Variants in RIPOR2 observed in about 807,000 individuals in gnomAD.
The protein encoded by RIPOR2 is RHO family interacting cell polarization regulator 2.
In RIPOR2, 39 loss-of-function variants were observed where a neutral mutation model predicts 114.5. The observed-to-expected ratio is 0.34, with a 90% CI of 0.26 to 0.44. The LOEUF (loss-of-function observed/expected upper bound fraction) is 0.44, where lower values mean the gene tolerates loss of function less well. Ranked by LOEUF, RIPOR2 falls within the 20% of genes least tolerant of loss-of-function variation. The pLI is 1.00. For synonymous variants in RIPOR2, 445 were observed against 484.4 expected (o/e 0.92, Z 1.07); for missense variants, 1,007 against 1,255.1 (o/e 0.80, Z 2.99).
chr6:24,987,853 T>A (rs532619579), intron 1 of RIPOR2, among the ~76,000 whole-genome samples: 1 of 152,222 alleles, frequency 6.6e-6, no homozygotes, highest in African/African-American at 2.4e-5. Context: ...TCCAAACTGA[T>A]AATGCCGATA....
intron 3 of RIPOR2, among the ~76,000 whole-genome samples, chr6:24,873,186 G>A (rs934168762): frequency 1.3e-5 from 2 of 152,216 alleles, no homozygotes; most frequent in Admixed American, 6.5e-5. Context: ...GCTGAAAGTC[G>A]AGAAAAGAAA....
chr6:24,862,307 C>G (rs1227401859), intron 7 of RIPOR2, among the ~76,000 whole-genome samples: 1 of 152,216 alleles, frequency 6.6e-6, no homozygotes, highest in Non-Finnish European at 1.5e-5. Context: ...GCAGGCTTCT[C>G]CCTCAGTTGC....
intron 21 of RIPOR2, 36 bp from the exon 22 acceptor site, chr6:24,806,509 A>G (rs1249578174): frequency 7.5e-7 from 1 of 1,332,272 alleles, no homozygotes; most frequent in Non-Finnish European, 1.0e-6. Context: ...TACCAATTCA[A>G]ACAACGTTTT....
intron 6 of RIPOR2, among the ~76,000 whole-genome samples, chr6:24,866,064 T>C (rs1367608168): frequency 2.6e-5 from 4 of 152,190 alleles, no homozygotes; most frequent in Non-Finnish European, 5.9e-5. Flanking sequence ...AACTTGGGGA[T>C]ATATATTGAA....
intron 1 of RIPOR2, among the ~76,000 whole-genome samples, chr6:25,030,053 C>CGTTACAG (rs1776847850): frequency 1.3e-5 from 2 of 151,972 alleles, no homozygotes; most frequent in African/African-American, 4.8e-5. Context: ...ATGACAGGAC[C>CGTTACAG]GTTACAGCCT....
chr6:24,806,556 A>C (rs1390195177), intron 21 of RIPOR2, 83 bp from the exon 22 acceptor site: 1 of 992,162 alleles, frequency 1.0e-6, no homozygotes, highest in African/African-American at 1.7e-5. Flanking sequence ...CCATTTGTTT[A>C]GGGATGGGTT....
chr6:24,854,935 G>C (rs569019780), intron 8 of RIPOR2, among the ~76,000 whole-genome samples: 1 of 148,502 alleles, frequency 6.7e-6, no homozygotes, highest in Non-Finnish European at 1.5e-5. Flanking sequence ...GCTGAGGCAG[G>C]AGAATCGCTT....
In RIPOR2 at chr6:24,809,691, A is replaced by G. The variant is rs372724375; in HGVS notation, c.3043+26T>C. 4.5e-4 allele frequency: 649 copies of G among 1,428,374 alleles called. 3 individuals carry two copies. In the African/African-American group the frequency reaches 5.0e-3, roughly 11 times the overall value. The allele number at this position is 1,428,374 out of a possible 1,614,324, so 88.5% of individuals were successfully genotyped here. On this transcript the variant is annotated intron_variant, in intron 21 of 21. Coordinates refer to ENST00000643898, the MANE Select transcript of RIPOR2 (RefSeq NM_001286445.3). ...TAGAGAGTGCCAGAAGCAAACAATCATGTAAACAACAACAATAAAACTCAC... is the reference window on the plus strand; with the variant it reads ...TAGAGAGTGCCAGAAGCAAACAATCGTGTAAACAACAACAATAAAACTCAC...
At chr6:25,018,633 G>A (rs529689789) in intron 1 of RIPOR2, among the ~76,000 whole-genome samples, 12 of 152,160 alleles carry the variant, frequency 7.9e-5, no homozygotes, top group Non-Finnish European at 1.8e-4. Flanking sequence ...CCTCCAATAT[G>A]TTTAACTTGT....
chr6:24,846,750 C>T (rs1762334894), intron 12 of RIPOR2, among the ~76,000 whole-genome samples: 1 of 152,016 alleles, frequency 6.6e-6, no homozygotes, highest in Non-Finnish European at 1.5e-5. Flanking sequence ...TGTGTGTGTG[C>T]ATGCATGTGT....
chr6:24,807,267 G>A (rs1475769111), intron 21 of RIPOR2, among the ~76,000 whole-genome samples: 1 of 152,112 alleles, frequency 6.6e-6, no homozygotes, highest in African/African-American at 2.4e-5. Context: ...ACGAGTTTGA[G>A]ACCAGCCTGA....
At chr6:24,945,694 T>C (rs1347426753) in intron 1 of RIPOR2, among the ~76,000 whole-genome samples, 1 of 152,198 alleles carries the variant, frequency 6.6e-6, no homozygotes, top group Admixed American at 6.5e-5. Context: ...TAGATTGCTA[T>C]AAATTAAGAT....
rs527835928 is a variant in RIPOR2, at chr6:24,878,977, ACAAATGTCTGTC to A, written c.62-3172_62-3161del. 3.6e-4 allele frequency among the ~76,000 whole-genome samples: 50 copies of A among 140,564 alleles called. 12 individuals carry two copies. The highest frequency in any genetic ancestry group is 1.3e-3 in the African/African-American group (47 of 34,816). The allele number at this position is 140,564 out of a possible 152,430, so 92.2% of individuals were successfully genotyped here. A position where few individuals can be genotyped will look rare whatever the true frequency, so the allele number is the denominator to read the frequency against. ...GGTAAACAAGGTTCTCAAAATCAGA[ACAAATGTCTGTC>A]CAGGATCCTAAGATTGTCAAATACT... On this transcript the variant is annotated intron_variant, in intron 1 of 21. Coordinates refer to ENST00000643898, the MANE Select transcript of RIPOR2 (RefSeq NM_001286445.3).
chr6:24,910,983 A>C, intron 1 of RIPOR2: 1 of 985,052 alleles, frequency 1.0e-6, no homozygotes, highest in Non-Finnish European at 1.2e-6. Context: ...AGTCGGGTGG[A>C]CGCGAGCTGT....
At chr6:25,036,607 G>C (rs969039859) in intron 1 of RIPOR2, among the ~76,000 whole-genome samples, 7 of 152,058 alleles carry the variant, frequency 4.6e-5, no homozygotes, top group Admixed American at 2.0e-4. Context: ...TTGCCAGGCT[G>C]GTCTCTAATT....
chr6:25,005,738 T>TATATATACACATACATAC (rs34572978), intron 1 of RIPOR2, among the ~76,000 whole-genome samples: 1 of 70,700 alleles, frequency 1.4e-5, no homozygotes, highest in African/African-American at 4.1e-5. Context: ...TATATATATA[T>TATATATACACATACATAC]ATACATTTAC....
In RIPOR2 at chr6:24,817,723, C is replaced by T. The variant is rs910031392; in HGVS notation, c.2952+819G>A. ...CTCCTCCTCGGTGGTATTATTGTTC[C>T]GTTTAGTACTTGTTTACATTCTAGC... On this transcript the variant is annotated intron_variant, in intron 20 of 21. Transcript: ENST00000643898. Among the ~76,000 whole-genome samples the T allele has an allele frequency of 3.0e-4, 45 of 151,460 alleles. 9 individuals are homozygous for T. Among genetic ancestry groups the T allele is most frequent in the African/African-American group, 1.1e-3 (45 of 41,356 alleles).
At chr6:24,899,209 T>C (rs185117230) in intron 1 of RIPOR2, among the ~76,000 whole-genome samples, 71 of 152,100 alleles carry the variant, frequency 4.7e-4, no homozygotes, top group Non-Finnish European at 8.4e-4. Context: ...CCACAAATCT[T>C]GATATAGGAA....
chr6:25,014,103 T>C (rs1218640465), intron 1 of RIPOR2, among the ~76,000 whole-genome samples: 1 of 152,222 alleles, frequency 6.6e-6, no homozygotes, highest in East Asian at 1.9e-4. Flanking sequence ...GCTTAGGTTT[T>C]CCAGAATTCC....
Sources: allele counts gnomAD v4.1 joint callset (sites outside exome capture counted in the v4.1 genomes callset), GRCh38; gene constraint gnomAD v4.1.1; transcripts MANE v1.5; gene names NCBI Gene and HGNC (gene_info 2026-07-23, HGNC 2026-07-21).